ZNF567: variants seen among roughly 807,000 people sequenced by gnomAD.
ZNF567 encodes the protein zinc finger protein 567.
In ZNF567, 36 loss-of-function variants were observed where a neutral mutation model predicts 53.9. That is an observed-to-expected ratio of 0.67 (90% CI 0.51 to 0.88). The LOEUF is 0.88. Ranked by LOEUF, ZNF567 falls within the 40% of genes least tolerant of loss-of-function variation. The pLI is 0.00. For missense variants in ZNF567, 619 were observed against 764.7 expected (o/e 0.81, Z 2.25); for synonymous variants, 224 against 260.4 (o/e 0.86, Z 1.35).
intron 3 of ZNF567, among the ~76,000 whole-genome samples, chr19:36,701,108 T>C (rs1275445870): frequency 6.6e-6 from 1 of 152,188 alleles, no homozygotes; most frequent in East Asian, 1.9e-4. Flanking sequence ...GTCCCAGAGA[T>C]TCTGGTATGT....
chr19:36,667,285 A>C, the ZNF567 span, among the ~76,000 whole-genome samples: 1 of 151,796 alleles, frequency 6.6e-6, no homozygotes, highest in South Asian at 2.1e-4. Flanking sequence ...GCTCACGCCA[A>C]GGCGGGCGGA....
At chr19:36,693,378 G>A (rs567223718) in intron 2 of ZNF567, among the ~76,000 whole-genome samples, 4 of 152,210 alleles carry the variant, frequency 2.6e-5, no homozygotes, top group Non-Finnish European at 5.9e-5. Context: ...AGAATTGCTT[G>A]AGCTGAGGAA....
chr19:36,671,187 A>G, the ZNF567 span, among the ~76,000 whole-genome samples: 1 of 152,240 alleles, frequency 6.6e-6, no homozygotes, highest in Non-Finnish European at 1.5e-5. Context: ...CTAGTGAACA[A>G]GAAGTAGCAA....
At chr19:36,673,329 A>G in the ZNF567 span, among the ~76,000 whole-genome samples, 4 of 152,232 alleles carry the variant, frequency 2.6e-5, no homozygotes, top group Non-Finnish European at 5.9e-5. Flanking sequence ...TTTATGTGTC[A>G]ACTTGACTGG....
chr19:36,727,029 C>CTTTTTT (rs1568725750), downstream of ZNF567: 1 of 22,460 alleles, frequency 4.5e-5, no homozygotes, highest in African/African-American at 2.5e-4. Flanking sequence ...TTTTCCTGTG[C>CTTTTTT]TTTTTCGTTA....
chr19:36,670,016 A>T, the ZNF567 span, among the ~76,000 whole-genome samples: 1 of 152,226 alleles, frequency 6.6e-6, no homozygotes, highest in South Asian at 2.1e-4. Context: ...TTTCATGGCC[A>T]TTTTGCATTC....
chr19:36,720,592 G>C lies in ZNF567; in HGVS notation c.1868G>C (p.Gly623Ala), dbSNP rs761534699. The C allele has an allele frequency of 6.2e-7, 1 of 1,608,662 alleles. No homozygotes were observed. Among genetic ancestry groups the C allele is most frequent in the Non-Finnish European group, 8.5e-7 (1 of 1,177,722 alleles). ...GEKPYVCNEC[G>A]KSFSYKRNLI... ...AAACCCTATGTTTGTAATGAGTGTGGTAAGTCTTTCAGTTATAAGAGAAAC... is the reference window on the plus strand; with the variant it reads ...AAACCCTATGTTTGTAATGAGTGTGCTAAGTCTTTCAGTTATAAGAGAAAC... The change falls in exon 6 of 6, where the codon GGT becomes GCT. Residue 623 changes from glycine (G) to alanine (A), a missense_variant. By Grantham distance (60) the Gly-to-Ala change is moderately conservative (BLOSUM62 0). Coordinates refer to ENST00000682579, the MANE Select transcript of ZNF567 (RefSeq NM_001322917.1).
chr19:36,681,919 A>T, the ZNF567 span, among the ~76,000 whole-genome samples: 3 of 152,060 alleles, frequency 2.0e-5, no homozygotes, highest in African/African-American at 4.8e-5. Context: ...GTAGTATAAG[A>T]CTTAAGACAT....
rs766147641 is a variant in ZNF567 at position 36,719,355 on chromosome 19, G to C, written c.631G>C (p.Gly211Arg). The C allele has an allele frequency of 2.5e-6, 4 of 1,613,526 alleles. No homozygotes were observed. Among genetic ancestry groups the C allele is most frequent in the Non-Finnish European group, 3.4e-6 (4 of 1,179,864 alleles). The change falls in exon 6 of 6, where the codon GGA becomes CGA. Residue 211 changes from glycine (G) to arginine (R), a missense_variant. Gly to Arg is a moderately radical substitution (Grantham distance 125). Transcript: ENST00000682579. ...AACGGAAACTCCAGCACAGTCATTT[G>C]GATATAATGACTGTGAGAAATCATT... ...QKTETPAQSF[G>R]YNDCEKSFLQ...
At chr19:36,712,137 C>T (rs1383939374) in intron 3 of ZNF567, 2 of 374,564 alleles carry the variant, frequency 5.3e-6, no homozygotes, top group Non-Finnish European at 1.0e-5. Context: ...TCCTCCGCCT[C>T]CTGGTTTCAA....
intron 3 of ZNF567, among the ~76,000 whole-genome samples, chr19:36,710,925 C>G (rs769233627): frequency 3.9e-5 from 6 of 152,136 alleles, no homozygotes; most frequent in Non-Finnish European, 7.3e-5. Context: ...TTTCTGCCTG[C>G]TTTTTGCTAA....
At chr19:36,668,677 CAT>C in the ZNF567 span, 3 of 152,342 alleles carry the variant, frequency 2.0e-5, no homozygotes, top group East Asian at 3.9e-4. Context: ...GAAGCTGGCA[CAT>C]GTTATCTGCC....
At chr19:36,683,716 C>A (rs2038220699), upstream of ZNF567, among the ~76,000 whole-genome samples, 1 of 152,048 alleles carries the variant, frequency 6.6e-6, no homozygotes, top group East Asian at 1.9e-4. Flanking sequence ...CTTGTAGTCC[C>A]AGCTACTTGG....
At chr19:36,673,130 G>A in the ZNF567 span, among the ~76,000 whole-genome samples, 2 of 152,190 alleles carry the variant, frequency 1.3e-5, no homozygotes, top group African/African-American at 4.8e-5. Context: ...TCAGGGAGAA[G>A]CATTAACATC....
chr19:36,706,380 A>C (rs1046833741), intron 3 of ZNF567, among the ~76,000 whole-genome samples: 1 of 152,176 alleles, frequency 6.6e-6, no homozygotes, highest in Non-Finnish European at 1.5e-5. Flanking sequence ...TTCAGCCTCA[A>C]CATCCTGGGC....
intron 3 of ZNF567, among the ~76,000 whole-genome samples, chr19:36,707,850 A>T (rs933153619): frequency 2.0e-5 from 3 of 152,122 alleles, no homozygotes; most frequent in African/African-American, 7.2e-5. Flanking sequence ...AAGTGCTGGG[A>T]TTACAGGCGT....
intron 2 of ZNF567, among the ~76,000 whole-genome samples, chr19:36,691,788 G>A (rs549315076): frequency 1.3e-5 from 2 of 152,236 alleles, no homozygotes; most frequent in South Asian, 2.1e-4. Context: ...GGGACTACAA[G>A]TACATGCCAT....
At chr19:36,714,341 T>G in intron 5 of ZNF567, 1 of 350,852 alleles carries the variant, frequency 2.9e-6, no homozygotes, top group Non-Finnish European at 5.1e-6. Context: ...TTTTTGTATT[T>G]TTAGTAGAGA....
At chr19:36,675,658 G>A in the ZNF567 span, among the ~76,000 whole-genome samples, 1 of 152,140 alleles carries the variant, frequency 6.6e-6, no homozygotes, top group Non-Finnish European at 1.5e-5. Flanking sequence ...GGGTGACAGA[G>A]CGAGACTCCG....
Sources: allele counts gnomAD v4.1 joint callset (sites outside exome capture counted in the v4.1 genomes callset), GRCh38; gene constraint gnomAD v4.1.1; transcripts MANE v1.5; gene names NCBI Gene and HGNC (gene_info 2026-07-23, HGNC 2026-07-21).